Variants in ASXL3 observed in about 807,000 individuals in gnomAD.
ASXL3 encodes the protein putative Polycomb group protein ASXL3.
ASXL3 carries 34 observed loss-of-function variants against 170.6 expected under a neutral mutation model. The ratio of observed to expected loss-of-function variants is 0.20; its 90% CI spans 0.15 to 0.27. ASXL3 has a LOEUF of 0.27. Ranked by LOEUF, ASXL3 falls within the 10% of genes least tolerant of loss-of-function variation. ASXL3 has a pLI of 1.00. For missense variants in ASXL3, 2,592 were observed against 2,695.3 expected, an observed-to-expected ratio of 0.96 and a Z score of 0.85; for synonymous variants, 1,002 against 989.1, an observed-to-expected ratio of 1.01 and a Z score of -0.24.
chr18:33,583,255 C>A (rs991791113), intron 1 of ASXL3, among the ~76,000 whole-genome samples: 1 of 152,056 alleles, frequency 6.6e-6, no homozygotes, highest in East Asian at 1.9e-4. Flanking sequence ...ATCAGGTATT[C>A]TTAAGAGTTG....
rs1174897044 is a variant in ASXL3 at position 33,739,325 on chromosome 18, A to G, written c.1921A>G (p.Thr641Ala). Residue 641 changes from threonine (T) to alanine (A), a missense_variant, in exon 11 of 12, where the codon ACT becomes GCT. Physicochemically the swap from Thr to Ala is moderately conservative, Grantham distance 58. Coordinates refer to ENST00000269197, the MANE Select transcript of ASXL3 (RefSeq NM_030632.3). ...ETQSTSEESCTPASLETTFCS... is the reference protein window; with the variant it reads ...ETQSTSEESCAPASLETTFCS... ...ACAGTCCACATCAGAAGAATCATGT[A>G]CTCCAGCCTCCCTTGAGACAACATT... 2.5e-6 allele frequency: 4 copies of G among 1,613,292 alleles called. No individual in the cohort carries two copies. In the East Asian group the frequency reaches 8.9e-5, roughly 36 times the overall value.
intron 8 of ASXL3, among the ~76,000 whole-genome samples, chr18:33,727,286 A>G (rs572307390): frequency 2.7e-4 from 41 of 152,222 alleles, no homozygotes; most frequent in African/African-American, 9.4e-4. Context: ...AAATAAGAAA[A>G]AAGTGGTTTA....
chr18:33,644,557 T>C (rs1294623695), intron 2 of ASXL3, among the ~76,000 whole-genome samples: 1 of 151,430 alleles, frequency 6.6e-6, no homozygotes, highest in Non-Finnish European at 1.5e-5. Context: ...TGGTGTTATT[T>C]GTAAAATAAC....
At position 33,746,168 on chromosome 18, in the gene ASXL3, A is replaced by G. The variant is rs772323852; in HGVS notation, c.6320A>G (p.Glu2107Gly). 1.9e-6 allele frequency: 3 copies of G among 1,613,854 alleles called. No homozygotes were observed. The highest frequency in any genetic ancestry group is 2.2e-5 in the South Asian group (2 of 91,078). Residue 2107 changes from glutamate (E) to glycine (G), a missense_variant, in exon 12 of 12, where the codon GAA becomes GGA. This residue lies in a region of ASXL3 where 2,246 missense variants were observed against 2,219.6 expected (regional missense o/e 1.01). Coordinates refer to ENST00000269197, the MANE Select transcript of ASXL3 (RefSeq NM_030632.3). ...AAACAAGTTTCCTATGACCAGAATG[A>G]AATGAAAGAACAGTTAAAAGCATTC... is the stretch of plus-strand genomic sequence containing the variant. The part of the protein sequence containing the change: ...GMKQVSYDQN[E>G]MKEQLKAFAL...
chr18:33,588,894 A>G lies in ASXL3; in HGVS notation c.54+10209A>G, dbSNP rs937737747. The stretch of plus-strand genomic sequence containing the variant: ...CCACCACCATTTCCACATTTGTTCA[A>G]GCCACAAACCCTCTTGTCAGTGTTA... On this transcript the variant is annotated intron_variant, in intron 1 of 11. Coordinates refer to ENST00000269197, the MANE Select transcript of ASXL3 (RefSeq NM_030632.3). Among the ~76,000 whole-genome samples the G allele has an allele frequency of 7.2e-5, 11 of 152,242 alleles. No homozygotes were observed. The East Asian group carries it at 2.1e-3, about 29-fold the overall frequency.
chr18:33,683,064 G>T (rs1467821425), intron 7 of ASXL3, among the ~76,000 whole-genome samples: 1 of 152,216 alleles, frequency 6.6e-6, no homozygotes, highest in African/African-American at 2.4e-5. Flanking sequence ...AATTGTAGTT[G>T]TTACTATTCA....
At chr18:33,644,399 G>C (rs755900999) in intron 2 of ASXL3, among the ~76,000 whole-genome samples, 2 of 151,426 alleles carry the variant, frequency 1.3e-5, no homozygotes, top group Non-Finnish European at 2.9e-5. Flanking sequence ...TTTCAAATCA[G>C]TTCTTCCCTG....
intron 8 of ASXL3, among the ~76,000 whole-genome samples, chr18:33,688,032 A>G (rs1843724300): frequency 6.6e-6 from 1 of 152,228 alleles, no homozygotes; most frequent in Admixed American, 6.5e-5. Flanking sequence ...GGCTACCCGA[A>G]TCAAGATGTG....
Position 33,746,367 on chromosome 18 carries a change from G to A in ASXL3, c.6519G>A (p.Lys2173=). The part of the protein sequence containing the change: ...SFKRAASAIE[K]SIGILGSGSN... ...AAAGGGCAGCATCTGCAATTGAAAA[G>A]TCCATTGGGATTTTGGGAAGTGGCT... Residue 2173 remains lysine (K), a synonymous_variant, in exon 12 of 12, where the codon AAG becomes AAA. Coordinates refer to ENST00000269197, the MANE Select transcript of ASXL3 (RefSeq NM_030632.3). The A allele has an allele frequency of 1.9e-6, 3 of 1,613,930 alleles. No homozygotes were observed. In the South Asian group the frequency reaches 3.3e-5, roughly 18 times the overall value.
At chr18:33,619,159 C>G (rs72960012) in intron 2 of ASXL3, among the ~76,000 whole-genome samples, 8,328 of 152,136 alleles carry the variant, frequency 0.055, 251 homozygotes, top group South Asian at 0.068. Context: ...TGAAAAAGTT[C>G]ATCAAGCTAG....
At chr18:33,646,874 G>A (rs1256930033) in intron 4 of ASXL3, among the ~76,000 whole-genome samples, 1 of 138,086 alleles carries the variant, frequency 7.2e-6, no homozygotes, top group Non-Finnish European at 1.6e-5. Context: ...GAATTTTAAG[G>A]GGGAGCGGGG....
intron 8 of ASXL3, among the ~76,000 whole-genome samples, chr18:33,687,046 C>A (rs2066608249): frequency 6.6e-6 from 1 of 152,116 alleles, no homozygotes; most frequent in African/African-American, 2.4e-5. Flanking sequence ...GACATATTTT[C>A]TACCCAGGAT....
chr18:33,658,073 C>T (rs1293730830), intron 4 of ASXL3, among the ~76,000 whole-genome samples: 1 of 152,084 alleles, frequency 6.6e-6, no homozygotes, highest in Admixed American at 6.6e-5. Flanking sequence ...ATATCACTTT[C>T]TAAGCTGCAT....
intron 8 of ASXL3, among the ~76,000 whole-genome samples, chr18:33,699,496 T>G (rs1021391649): frequency 6.6e-6 from 1 of 152,040 alleles, no homozygotes; most frequent in African/African-American, 2.4e-5. Flanking sequence ...GTATTACTCA[T>G]GTATTGAGTA....
intron 1 of ASXL3, among the ~76,000 whole-genome samples, chr18:33,593,408 C>T (rs2065097188): frequency 6.6e-6 from 1 of 151,866 alleles, no homozygotes; most frequent in Non-Finnish European, 1.5e-5. Flanking sequence ...GGCTGTTTCC[C>T]ACCAGTTTCC....
In ASXL3 at chr18:33,607,731, C is replaced by G; in HGVS notation, c.137+55C>G. ...TTTTCATTAAATAATAATTGCCACT[C>G]GTTGCTAAGCGATAGGTGTATCTAG... On this transcript the variant is annotated intron_variant, in intron 2 of 11. Coordinates refer to ENST00000269197, the MANE Select transcript of ASXL3 (RefSeq NM_030632.3). The G allele has an allele frequency of 2.3e-6, 3 of 1,313,750 alleles. No homozygotes were observed. In the South Asian group the frequency reaches 3.9e-5, roughly 17 times the overall value. The allele number at this position is 1,313,750 out of a possible 1,614,324, so 81.4% of individuals were successfully genotyped here. A position where few individuals can be genotyped will look rare whatever the true frequency, so the allele number is the denominator to read the frequency against.
intron 2 of ASXL3, among the ~76,000 whole-genome samples, chr18:33,624,384 C>G (rs533355743): frequency 5.9e-5 from 9 of 151,592 alleles, no homozygotes; most frequent in Non-Finnish European, 1.3e-4. Flanking sequence ...GGTATAATGA[C>G]AGTTCATTTA....
intron 8 of ASXL3, among the ~76,000 whole-genome samples, chr18:33,684,313 G>A (rs528168457): frequency 6.6e-6 from 1 of 152,174 alleles, no homozygotes; most frequent in South Asian, 2.1e-4. Context: ...TTCAATTGAT[G>A]GACTTAATGC....
intron 4 of ASXL3, among the ~76,000 whole-genome samples, chr18:33,660,825 G>T (rs143196810): frequency 6.6e-6 from 1 of 152,110 alleles, no homozygotes; most frequent in Non-Finnish European, 1.5e-5. Flanking sequence ...AAGTCTGTCC[G>T]TTTGAGGAGA....
Sources: allele counts gnomAD v4.1 joint callset (sites outside exome capture counted in the v4.1 genomes callset), GRCh38; gene constraint gnomAD v4.1.1; regional missense constraint gnomAD v4.1.1; transcripts MANE v1.5; gene names NCBI Gene and HGNC (gene_info 2026-07-23, HGNC 2026-07-21).